TAF5L: variants seen among roughly 807,000 people sequenced by gnomAD.
TAF5L encodes TATA-box binding protein associated factor 5 like.
TAF5L carries 7 observed loss-of-function variants against 51.3 expected under a neutral mutation model. The ratio of observed to expected loss-of-function variants is 0.14; its 90% CI spans 0.08 to 0.26. The LOEUF is 0.26. Among genes scored for constraint, TAF5L ranks in the 10% least tolerant of loss-of-function variants. The pLI is 1.00. For synonymous variants in TAF5L, 291 were observed against 308.1 expected (o/e 0.94, Z 0.58); for missense variants, 575 against 758.9 (o/e 0.76, Z 2.85).
intron 4 of TAF5L, among the ~76,000 whole-genome samples, chr1:229,598,690 CT>C (rs71563413): frequency 0.012 from 1,665 of 141,402 alleles, 29 homozygotes; most frequent in African/African-American, 0.038. Context: ...TTGGATATCT[CT>C]TTTTTTTTTT....
intron 4 of TAF5L, chr1:229,600,393 C>T: frequency 1.0e-6 from 1 of 985,290 alleles, no homozygotes; most frequent in South Asian, 4.7e-5. Flanking sequence ...GATGGAAAGC[C>T]AGAAATGCTT....
chr1:229,601,343 T>C (rs774950690), intron 4 of TAF5L: 9 of 985,310 alleles, frequency 9.1e-6, no homozygotes, highest in East Asian at 1.1e-4. Flanking sequence ...TCCAAAGTAA[T>C]GTGAGGCAGA....
intron 3 of TAF5L, chr1:229,606,223 T>G: frequency 2.1e-6 from 2 of 974,560 alleles, no homozygotes; most frequent in East Asian, 1.1e-4. Context: ...ACTGATCAAT[T>G]TGGAAGAAGG....
At chr1:229,600,022 G>A (rs569665747) in intron 4 of TAF5L, 1 of 984,852 alleles carries the variant, frequency 1.0e-6, no homozygotes, top group Non-Finnish European at 1.2e-6. Context: ...TGAGTTTGTG[G>A]CTCCTGTATT....
At position 229,594,706 on chromosome 1, in the gene TAF5L, C is replaced by T; in HGVS notation, c.1361G>A (p.Ser454Asn). 1 of 1,614,208 alleles carries T rather than the reference C, an allele frequency of 6.2e-7. No individual in the cohort carries two copies. The highest frequency in any genetic ancestry group is 1.1e-5 in the South Asian group (1 of 91,092). Residue 454 changes from serine (S) to asparagine (N), a missense_variant, in exon 5 of 5, where the codon AGC becomes AAC. Ser to Asn is a conservative substitution (Grantham distance 46). Transcript: ENST00000258281. The surrounding 1 kb of genome is among the most constrained non-coding windows in gnomAD (Gnocchi z 7.9). Reference sequence around the variant, plus strand: ...CCTCACCGAGTTCCCCTGCTGAGCGCTCCACAGCCGGACGGTCTTGTCGGT... The same window carrying T: ...CCTCACCGAGTTCCCCTGCTGAGCGTTCCACAGCCGGACGGTCTTGTCGGT...
intron 2 of TAF5L, among the ~76,000 whole-genome samples, chr1:229,613,378 AT>A (rs1664860384): frequency 6.6e-6 from 1 of 151,896 alleles, no homozygotes; most frequent in South Asian, 2.1e-4. Flanking sequence ...GAAGAAAGTC[AT>A]AAAGTCATAT....
intron 1 of TAF5L, among the ~76,000 whole-genome samples, chr1:229,620,234 C>T (rs1219331505): frequency 2.0e-5 from 3 of 152,088 alleles, no homozygotes; most frequent in Non-Finnish European, 4.4e-5. Context: ...AATTGCTTCT[C>T]GCTCTCTTTA....
rs1019397274 is a variant in TAF5L at position 229,602,017 on chromosome 1, C to T, written c.972+178G>A. The stretch of plus-strand genomic sequence containing the variant: ...TTAATGCTGCTAAAAATTGTTTTTG[C>T]ATCTTAGGTTAGGCATGTGCAGGAA... On this transcript the variant is annotated intron_variant, in intron 4 of 4. Transcript: ENST00000258281. The surrounding 1 kb of genome is among the most constrained non-coding windows in gnomAD (Gnocchi z 4.6). 34 of 1,430,690 alleles carry T rather than the reference C, an allele frequency of 2.4e-5. No homozygotes were observed. The highest frequency in any genetic ancestry group is 3.1e-5 in the Non-Finnish European group (34 of 1,093,718). The allele number at this position is 1,430,690 out of a possible 1,614,324, so 88.6% of individuals were successfully genotyped here.
At chr1:229,606,563 T>A in intron 3 of TAF5L, 1 of 985,436 alleles carries the variant, frequency 1.0e-6, no homozygotes, top group Non-Finnish European at 1.2e-6. Context: ...AAGGTTTGGC[T>A]CTATTGACTA....
chr1:229,613,155 C>G (rs1227349267), intron 2 of TAF5L, among the ~76,000 whole-genome samples: 1 of 134,132 alleles, frequency 7.5e-6, no homozygotes, highest in Non-Finnish European at 1.6e-5. Flanking sequence ...CCACCTCTAA[C>G]AAGAATAACA....
rs1664395931 is a variant in TAF5L, at chr1:229,602,073, C to T, written c.972+122G>A. On this transcript the variant is annotated intron_variant, in intron 4 of 4. Coordinates refer to ENST00000258281, the Ensembl canonical transcript of TAF5L. This position sits in a 1 kb window ranked among gnomAD's most constrained non-coding sequence, Gnocchi z 4.6. ...TGGCTACAGGTAACATGTCATTAGT[C>T]TGGCTTTAGCTATATGATGAGGGAA... The T allele has an allele frequency of 2.7e-6, 4 of 1,503,292 alleles. No homozygotes were observed. The South Asian group carries it at 5.5e-5, about 21-fold the overall frequency. 93.1% of individuals were successfully genotyped at this position (1,503,292 alleles called of 1,614,324 possible). A position where few individuals can be genotyped will look rare whatever the true frequency, so the allele number is the denominator to read the frequency against.
At chr1:229,619,693 G>C (rs1665134027) in intron 1 of TAF5L, among the ~76,000 whole-genome samples, 1 of 152,126 alleles carries the variant, frequency 6.6e-6, no homozygotes, top group African/African-American at 2.4e-5. Flanking sequence ...GGGCTACTGA[G>C]ACTTGGGATT....
At chr1:229,618,004 A>T (rs751712870) in intron 1 of TAF5L, among the ~76,000 whole-genome samples, 4 of 152,156 alleles carry the variant, frequency 2.6e-5, no homozygotes, top group African/African-American at 9.7e-5. Context: ...GACCCAATCA[A>T]CTCAGCTGGG....
At chr1:229,606,424 C>T in intron 3 of TAF5L, 1 of 985,306 alleles carries the variant, frequency 1.0e-6, no homozygotes, top group Non-Finnish European at 1.2e-6. Context: ...CTACCTGGTG[C>T]CCAACTCTAC....
chr1:229,600,547 C>T, intron 4 of TAF5L: 1 of 985,498 alleles, frequency 1.0e-6, no homozygotes, highest in Non-Finnish European at 1.2e-6. Context: ...CTTCTCTAGT[C>T]CATCCATGTC....
intron 4 of TAF5L, among the ~76,000 whole-genome samples, chr1:229,597,911 T>TACCTCAGAGCTC (rs960810036): frequency 6.6e-6 from 1 of 152,196 alleles, no homozygotes; most frequent in African/African-American, 2.4e-5. Context: ...AGGCTCCAAC[T>TACCTCAGAGCTC]ACCTCAGAGC....
intron 1 of TAF5L, among the ~76,000 whole-genome samples, chr1:229,620,889 T>C (rs1665174572): frequency 6.6e-6 from 1 of 152,196 alleles, no homozygotes; most frequent in South Asian, 2.1e-4. Context: ...CCCATGCTTA[T>C]CACTGTTCCT....
chr1:229,600,435 G>A (rs145347387), intron 4 of TAF5L: 1 of 985,340 alleles, frequency 1.0e-6, no homozygotes, highest in African/African-American at 1.7e-5. Flanking sequence ...GACGTCTTTT[G>A]CTTTCTTCTT....
At chr1:229,613,010 A>G (rs1031351412) in intron 2 of TAF5L, among the ~76,000 whole-genome samples, 2 of 152,018 alleles carry the variant, frequency 1.3e-5, no homozygotes, top group African/African-American at 4.8e-5. Flanking sequence ...CAGAATCACT[A>G]GTAAATAAGT....
Sources: allele counts gnomAD v4.1 joint callset (sites outside exome capture counted in the v4.1 genomes callset), GRCh38; gene constraint gnomAD v4.1.1; non-coding constraint Gnocchi (gnomAD v3.1); transcripts MANE v1.5; gene names NCBI Gene and HGNC (gene_info 2026-07-23, HGNC 2026-07-21).